The following APOB variants were observed in gnomAD, a reference collection of about 807,000 sequenced individuals.
The protein encoded by APOB is apolipoprotein B-100.
Under a neutral mutation model 314.1 loss-of-function variants are expected in APOB, and 153 were observed. The ratio of observed to expected loss-of-function variants is 0.49; its 90% CI spans 0.43 to 0.56. APOB has a LOEUF of 0.56. Among genes scored for constraint, APOB ranks in the 20% least tolerant of loss-of-function variants. The probability of loss-of-function intolerance (pLI) is 0.00; values close to 1 mark genes in which losing one functional copy is unlikely to be tolerated. For synonymous variants in APOB, 2,087 were observed against 2,036.4 expected, an observed-to-expected ratio of 1.02 and a Z score of -0.67; for missense variants, 5,430 against 5,350.7, an observed-to-expected ratio of 1.01 and a Z score of -0.46.
In APOB at chr2:21,037,104, C is replaced by T. The variant is rs755661819; in HGVS notation, c.689G>A (p.Gly230Asp). The T allele has an allele frequency of 3.7e-6, 6 of 1,614,172 alleles. No homozygotes were observed. The highest frequency in any genetic ancestry group is 4.2e-6 in the Non-Finnish European group (5 of 1,180,036). Residue 230 changes from glycine to aspartate, a missense_variant, in exon 6 of 29, where the codon GGC becomes GAC. By Grantham distance (94) the Gly-to-Asp change is moderately conservative. Around this residue, in one of 3 missense-constraint regions of APOB, gnomAD observed 2,085 missense variants for 2,079.7 expected, o/e 1.00. Coordinates refer to ENST00000233242, the MANE Select transcript of APOB (RefSeq NM_000384.3). ...TGISPLALIK[G>D]MTRPLSTLIS... ...CAGTGCTGACATGGGACTTACCATG[C>T]CTTTGATGAGAGCAAGTGGGCTGAT...
At chr2:21,016,729 A>G in intron 20 of APOB, 80 bp from the exon 21 acceptor site, 2 of 908,956 alleles carry the variant, frequency 2.2e-6, no homozygotes, top group Non-Finnish European at 3.7e-6. Flanking sequence ...TCACACCTGT[A>G]ATCCCAGCAC....
At chr2:21,034,686 G>A in intron 8 of APOB, 130 bp downstream of exon 8, 1 of 749,364 alleles carries the variant, frequency 1.3e-6, no homozygotes, top group Admixed American at 1.8e-5. Context: ...CTCACTAGAG[G>A]TAGCCAGAAC....
In APOB at chr2:21,008,636, G is replaced by A. The variant is rs1572781171; in HGVS notation, c.8232C>T (p.Pro2744=). 1 of 1,614,068 alleles carries A rather than the reference G, an allele frequency of 6.2e-7. No homozygotes were observed. The highest frequency in any genetic ancestry group is 8.5e-7 in the Non-Finnish European group (1 of 1,179,982). ...GTACTTCAATTGTGTGTGAGATGTG[G>A]GGAAGCTGGAATTCTGGTATGTGAA... ...PDLHIPEFQL[P]HISHTIEVPT... Residue 2744 remains proline (P), a synonymous_variant, in exon 26 of 29, where the codon CCC becomes CCT. Coordinates refer to ENST00000233242, the MANE Select transcript of APOB (RefSeq NM_000384.3).
Position 21,020,043 on chromosome 2 carries a change from G to A in APOB, c.2817-138C>T, listed in dbSNP as rs961358374. 6.4e-6 allele frequency: 5 copies of A among 783,344 alleles called. No individual in the cohort carries two copies. In the African/African-American group the frequency reaches 8.5e-5, roughly 13 times the overall value. 48.5% of individuals were successfully genotyped at this position (783,344 alleles called of 1,614,324 possible). On this transcript the variant is annotated intron_variant, in intron 18 of 28. Coordinates refer to ENST00000233242, the MANE Select transcript of APOB (RefSeq NM_000384.3). ...CCTATCTCTAACTATTTAATTTACT[G>A]AGAAACAAATAATATTAGAAAGAAC... is the stretch of plus-strand genomic sequence containing the variant.
Position 21,032,646 on chromosome 2 carries a change from G to A in APOB, c.1125-65C>T, listed in dbSNP as rs1663909764. ...TCAGGGCACATAAAATATTGCTCAT[G>A]GTGTGTCCTCTGCCAGGAGAGCCCT... On this transcript the variant is annotated intron_variant, in intron 9 of 28. Transcript: ENST00000233242. 3.1e-6 allele frequency: 4 copies of A among 1,300,346 alleles called. No individual in the cohort carries two copies. The South Asian group carries it at 4.9e-5, about 16-fold the overall frequency. The allele number at this position is 1,300,346 out of a possible 1,614,324, so 80.6% of individuals were successfully genotyped here.
intron 26 of APOB, among the ~76,000 whole-genome samples, 177 bp from the exon 27 acceptor site, chr2:21,004,852 A>G (rs1663085185): frequency 6.6e-6 from 1 of 152,234 alleles, no homozygotes; most frequent in Non-Finnish European, 1.5e-5. Flanking sequence ...TTAGTCCTAA[A>G]ATAATTACAG....
Position 21,004,614 on chromosome 2 carries a change from T to A in APOB, c.11850A>T (p.Ala3950=). 6.2e-7 allele frequency: 1 copy of A among 1,614,022 alleles called. No individual in the cohort carries two copies. The change falls in exon 27 of 29, where the codon GCA becomes GCT. Residue 3950 remains alanine (A), a synonymous_variant. Coordinates refer to ENST00000233242, the MANE Select transcript of APOB (RefSeq NM_000384.3). ...CATATTCTGCACTGAAGTCACGGTGTGCAAATGTTCCTTTAGTCTTAGAGG... is the reference window on the plus strand; with the variant it reads ...CATATTCTGCACTGAAGTCACGGTGAGCAAATGTTCCTTTAGTCTTAGAGG... ...TLASKTKGTF[A]HRDFSAEYEE...
chr2:21,007,739 T>C lies in APOB; in HGVS notation c.9129A>G (p.Pro3043=). 4 of 1,614,124 alleles carry C rather than the reference T, an allele frequency of 2.5e-6. No individual in the cohort carries two copies. Among genetic ancestry groups the C allele is most frequent in the African/African-American group, 1.3e-5 (1 of 75,060 alleles). ...LKNSLFFSAQ[P]FEITASTNNE... ...TGTTTGTGGATGCCGTGATCTCAAA[T>C]GGCTGGGCTGAAAAGAAAAGAGAAT... Residue 3043 remains proline (P), a synonymous_variant, in exon 26 of 29, where the codon CCA becomes CCG. Coordinates refer to ENST00000233242, the MANE Select transcript of APOB (RefSeq NM_000384.3).
At position 21,003,256 on chromosome 2, in the gene APOB, C is replaced by T. The variant is rs749201049; in HGVS notation, c.12166G>A (p.Val4056Ile). Residue 4056 changes from valine to isoleucine, a missense_variant, in exon 29 of 29, where the codon GTT becomes ATT. By Grantham distance (29) the Val-to-Ile change is conservative. Around this residue, in one of 3 missense-constraint regions of APOB, gnomAD observed 3,281 missense variants for 3,171.0 expected, o/e 1.03. Coordinates refer to ENST00000233242, the MANE Select transcript of APOB (RefSeq NM_000384.3). ...RESDEETQIK[V>I]NWEEEAASGL... ...GAAGCTGCCTCTTCTTCCCAATTAA[C>T]TTTGATCTGAGTTTCCTCATCAGAT... is the stretch of plus-strand genomic sequence containing the variant. 27 of 1,613,810 alleles carry T rather than the reference C, an allele frequency of 1.7e-5. No homozygotes were observed. The highest frequency in any genetic ancestry group is 3.3e-5 in the Admixed American group (2 of 59,998).
intron 1 of APOB, 48 bp downstream of exon 1, chr2:21,043,816 C>A: frequency 6.5e-7 from 1 of 1,531,564 alleles, no homozygotes; most frequent in Non-Finnish European, 8.7e-7. Context: ...CTCGTGCCGC[C>A]GGCTCCCTCC....
In APOB at chr2:21,002,210, T is replaced by C. The variant is rs1558558621; in HGVS notation, c.13212A>G (p.Glu4404=). 3.7e-6 allele frequency: 6 copies of C among 1,613,980 alleles called. No homozygotes were observed. The highest frequency in any genetic ancestry group is 5.1e-6 in the Non-Finnish European group (6 of 1,179,968). Residue 4404 remains glutamate, a synonymous_variant, in exon 29 of 29, where the codon GAA becomes GAG. Coordinates refer to ENST00000233242, the MANE Select transcript of APOB (RefSeq NM_000384.3). ...TCTTGATCAGACTGACTATCTTTTC[T>C]TCAAGTTCATAATATTTCACTGTCC... The part of the protein sequence containing the change: ...VGWTVKYYEL[E]EKIVSLIKNL...
chr2:21,015,252 T>C lies in APOB; in HGVS notation c.3517A>G (p.Lys1173Glu). Residue 1173 changes from lysine to glutamate, a missense_variant, in exon 23 of 29, where the codon AAG becomes GAG. By Grantham distance (56) the Lys-to-Glu change is moderately conservative. Transcript: ENST00000233242. ...KRVAWHYDEE[K>E]IEFEWNTGTN... ...CCTGTGTTCCATTCAAATTCAATCT[T>C]CTCTTCATCTGAAAATACGTAGGAA... 6.2e-7 allele frequency: 1 copy of C among 1,614,162 alleles called. No individual in the cohort carries two copies. The highest frequency in any genetic ancestry group is 1.3e-5 in the African/African-American group (1 of 75,040).
At position 21,006,183 on chromosome 2, in the gene APOB, A is replaced by AG; in HGVS notation, c.10684dup (p.Leu3562ProfsTer51). ...GTGGTTTTTCGTACTGTGCTCCCAG[A>AG]GGGAATATATGCGTTGGAGTGTGGC... On this transcript the variant is annotated frameshift_variant, in exon 26 of 29. Transcript: ENST00000233242. LOFTEE classifies it high-confidence loss of function. The AG allele has an allele frequency of 6.2e-7, 1 of 1,614,044 alleles. No individual in the cohort carries two copies. Among genetic ancestry groups the AG allele is most frequent in the Non-Finnish European group, 8.5e-7 (1 of 1,179,958 alleles).
intron 23 of APOB, 86 bp downstream of exon 23, chr2:21,014,987 G>A (rs1262970079): frequency 9.3e-6 from 13 of 1,396,440 alleles, no homozygotes; most frequent in Non-Finnish European, 1.1e-5. Flanking sequence ...ATACATCTTT[G>A]GAAACCTTCC....
Position 21,016,609 on chromosome 2 carries a change from A to G in APOB, c.3162T>C (p.Asn1054=). The stretch of plus-strand genomic sequence containing the variant: ...CACTGGACAAGGTCATACTCTGCCG[A>G]TTATATTTGAATGTCATGGTAGCCT... The part of the protein sequence containing the change: ...QTEATMTFKY[N]RQSMTLSSEV... Residue 1054 remains asparagine, a synonymous_variant, in exon 21 of 29, where the codon AAT becomes AAC. Coordinates refer to ENST00000233242, the MANE Select transcript of APOB (RefSeq NM_000384.3). 1 of 1,612,394 alleles carries G rather than the reference A, an allele frequency of 6.2e-7. No individual in the cohort carries two copies.
At position 21,040,924 on chromosome 2, in the gene APOB, A is replaced by G; in HGVS notation, c.383+14T>C. 3 of 1,613,882 alleles carry G rather than the reference A, an allele frequency of 1.9e-6. No homozygotes were observed. The highest frequency in any genetic ancestry group is 2.5e-6 in the Non-Finnish European group (3 of 1,179,960). ...CACACACACATGCGTGTGCTCATGT[A>G]CAACATGACTTACCTGGACATGGCT... On this transcript the variant is annotated intron_variant, in intron 4 of 28. Transcript: ENST00000233242.
chr2:21,005,505 T>A lies in APOB; in HGVS notation c.11363A>T (p.Glu3788Val). The A allele has an allele frequency of 6.2e-7, 1 of 1,614,056 alleles. No homozygotes were observed. Among genetic ancestry groups the A allele is most frequent in the South Asian group, 1.1e-5 (1 of 91,084 alleles). Residue 3788 changes from glutamate (E) to valine (V), a missense_variant, in exon 26 of 29, where the codon GAG becomes GTG. By Grantham distance (121) the Glu-to-Val change is moderately radical. Transcript: ENST00000233242. ...SFALNLPTLP[E>V]VKFPEVDVLT... is the part of the protein sequence containing the mutation. ...CACATCAACTTCAGGGAATTTTACC[T>A]CGGGGAGTGTTGGTAGGTTGAGGGC...
At chr2:21,022,495 A>G (rs3791981) in intron 18 of APOB, among the ~76,000 whole-genome samples, 28,945 of 152,132 alleles carry the variant, frequency 0.19, 4,088 homozygotes, top group African/African-American at 0.39. Context: ...TGATCTCTCC[A>G]GAGCTATTGT....
chr2:21,009,042 T>G lies in APOB; in HGVS notation c.7826A>C (p.Lys2609Thr), dbSNP rs1421393250. The G allele has an allele frequency of 1.2e-6, 2 of 1,614,106 alleles. No homozygotes were observed. The highest frequency in any genetic ancestry group is 1.7e-6 in the Non-Finnish European group (2 of 1,179,960). The change falls in exon 26 of 29, where the codon AAA (lysine) becomes ACA (threonine). Residue 2609 changes from lysine (K) to threonine (T), a missense_variant. Lys to Thr is a moderately conservative substitution (Grantham distance 78, BLOSUM62 -1). Coordinates refer to ENST00000233242, the MANE Select transcript of APOB (RefSeq NM_000384.3). ...AFEVSLQALQ[K>T]ATFQTPDFIV... The stretch of plus-strand genomic sequence containing the variant: ...AAAATCAGGTGTCTGGAAGGTAGCT[T>G]TCTGAAGAGCCTGAAGACTGACTTC...
Sources: gnomAD v4.1 joint callset for allele counts (sites outside exome capture counted in the v4.1 genomes callset) on GRCh38, gnomAD v4.1.1 for gene constraint, gnomAD v4.1.1 regional missense constraint, MANE v1.5 for transcripts, NCBI Gene and HGNC (gene_info 2026-07-23, HGNC 2026-07-21) for gene names.